Variants in ATP6V1A observed in about 807,000 individuals in gnomAD.
The protein encoded by ATP6V1A is V-type proton ATPase catalytic subunit A.
ATP6V1A carries 18 observed loss-of-function variants against 70.1 expected under a neutral mutation model. The observed-to-expected ratio is 0.26, with a 90% CI of 0.18 to 0.38. The LOEUF is 0.38. ATP6V1A is among the 10% of genes least tolerant of loss of function. ATP6V1A has a pLI of 1.00. For missense variants in ATP6V1A, 424 were observed against 772.4 expected, an observed-to-expected ratio of 0.55 and a Z score of 5.35; for synonymous variants, 232 against 253.8, an observed-to-expected ratio of 0.91 and a Z score of 0.82.
chr3:113,801,576 T>C (rs182796409), intron 12 of ATP6V1A, among the ~76,000 whole-genome samples: 1 of 152,262 alleles, frequency 6.6e-6, no homozygotes, highest in Admixed American at 6.5e-5. Flanking sequence ...CCAAAGAAAT[T>C]CTCAAGCAGG....
intron 10 of ATP6V1A, among the ~76,000 whole-genome samples, chr3:113,795,427 A>G (rs1187328002): frequency 6.6e-6 from 1 of 151,766 alleles, no homozygotes; most frequent in Non-Finnish European, 1.5e-5. Flanking sequence ...TTTAATTTAT[A>G]TATTTATATG....
chr3:113,750,065 C>A lies in ATP6V1A; in HGVS notation c.-14+2952C>A, dbSNP rs138600772. Among the ~76,000 whole-genome samples, 686 of 152,296 alleles carry A rather than the reference C, an allele frequency of 4.5e-3. 3 individuals are homozygous for A. Among genetic ancestry groups the A allele is most frequent in the African/African-American group, 0.015 (630 of 41,560 alleles). On this transcript the variant is annotated intron_variant, in intron 1 of 14. Transcript: ENST00000273398. Reference sequence around the variant, plus strand: ...GATCTATAAGTGGACTAGCACTAGACTAAAAGTCAGAGGATCTTCATTCAG... The same window carrying A: ...GATCTATAAGTGGACTAGCACTAGAATAAAAGTCAGAGGATCTTCATTCAG...
At chr3:113,800,821 C>G (rs986463352) in intron 12 of ATP6V1A, among the ~76,000 whole-genome samples, 1 of 152,070 alleles carries the variant, frequency 6.6e-6, no homozygotes, top group African/African-American at 2.4e-5. Flanking sequence ...TTAAAGGTAA[C>G]AGACCAGTGA....
In ATP6V1A at chr3:113,798,277, G is replaced by A; in HGVS notation, c.1325G>A (p.Arg442His). 6.2e-7 allele frequency: 1 copy of A among 1,613,766 alleles called. No individual in the cohort carries two copies. Among genetic ancestry groups the A allele is most frequent in the Non-Finnish European group, 8.5e-7 (1 of 1,179,978 alleles). The change falls in exon 12 of 15, where the codon CGT (arginine) becomes CAT (histidine). Residue 442 changes from arginine to histidine, a missense_variant. Physicochemically the swap from Arg to His is conservative, Grantham distance 29. Around this residue, in one of 9 missense-constraint regions of ATP6V1A, gnomAD observed 58 missense variants for 181.5 expected, o/e 0.32. Coordinates refer to ENST00000273398, the MANE Select transcript of ATP6V1A (RefSeq NM_001690.4). Reference protein sequence around the residue: ...FWGLDKKLAQRKHFPSVNWLI... With the variant: ...FWGLDKKLAQHKHFPSVNWLI... Reference sequence around the variant, plus strand: ...GGCTTAGATAAGAAACTAGCTCAACGTAAGCATTTCCCCTCTGTCAATTGG... The same window carrying A: ...GGCTTAGATAAGAAACTAGCTCAACATAAGCATTTCCCCTCTGTCAATTGG...
intron 1 of ATP6V1A, among the ~76,000 whole-genome samples, chr3:113,762,730 TTAAC>T (rs1410742005): frequency 6.6e-6 from 1 of 152,160 alleles, no homozygotes; most frequent in Non-Finnish European, 1.5e-5. Flanking sequence ...TGTAGACTAT[TTAAC>T]ATAAGAAATT....
chr3:113,810,599 T>C lies in ATP6V1A; in HGVS notation c.*1172T>C, dbSNP rs1202424968. ...CACATCACACCCTGTTTATTTTCCTTAAACATCTTGGAAGCCTAAGCTTCT... is the reference window on the plus strand; with the variant it reads ...CACATCACACCCTGTTTATTTTCCTCAAACATCTTGGAAGCCTAAGCTTCT... On this transcript the variant is annotated 3_prime_UTR_variant, in exon 15 of 15. Coordinates refer to ENST00000273398, the MANE Select transcript of ATP6V1A (RefSeq NM_001690.4). The C allele has an allele frequency of 1.3e-5, 2 of 152,220 alleles. No individual in the cohort carries two copies. Among genetic ancestry groups the C allele is most frequent in the Admixed American group, 6.5e-5 (1 of 15,294 alleles). The allele number at this position is 152,220 out of a possible 1,614,324, so 9.4% of individuals were successfully genotyped here. A position where few individuals can be genotyped will look rare whatever the true frequency, so the allele number is the denominator to read the frequency against.
Position 113,758,088 on chromosome 3 carries a change from G to A in ATP6V1A, c.-14+10975G>A, listed in dbSNP as rs561448929. Among the ~76,000 whole-genome samples the A allele has an allele frequency of 2.6e-5, 4 of 152,184 alleles. No homozygotes were observed. In the South Asian group the frequency reaches 8.3e-4, roughly 32 times the overall value. On this transcript the variant is annotated intron_variant, in intron 1 of 14. Coordinates refer to ENST00000273398, the MANE Select transcript of ATP6V1A (RefSeq NM_001690.4). ...GAACCTAGGAGGCAGAGGTTGCAGTGAGCTGAGATCACACCCACTGCACTC... is the reference window on the plus strand; with the variant it reads ...GAACCTAGGAGGCAGAGGTTGCAGTAAGCTGAGATCACACCCACTGCACTC...
intron 13 of ATP6V1A, 65 bp from the exon 14 acceptor site, chr3:113,805,287 TTA>T: frequency 4.8e-6 from 7 of 1,465,678 alleles, no homozygotes; most frequent in Non-Finnish European, 6.6e-6. Flanking sequence ...TCTAGTAGTT[TTA>T]TATAAAGTAT....
At chr3:113,799,912 C>T (rs1447910533) in intron 12 of ATP6V1A, among the ~76,000 whole-genome samples, 1 of 152,080 alleles carries the variant, frequency 6.6e-6, no homozygotes, top group East Asian at 1.9e-4. Context: ...AGTCCATGCT[C>T]TTGGACGGAA....
intron 12 of ATP6V1A, among the ~76,000 whole-genome samples, chr3:113,801,864 A>G (rs2108043096): frequency 6.6e-6 from 1 of 150,516 alleles, no homozygotes; most frequent in Non-Finnish European, 1.5e-5. Flanking sequence ...CACATAAAAC[A>G]TTGTTTAATA....
intron 1 of ATP6V1A, among the ~76,000 whole-genome samples, chr3:113,770,665 T>A (rs922391760): frequency 6.7e-6 from 1 of 150,028 alleles, no homozygotes. Flanking sequence ...GGTAGCAGAC[T>A]GAGACTCTGT....
chr3:113,771,976 C>G (rs1033642960), intron 1 of ATP6V1A, among the ~76,000 whole-genome samples: 2 of 152,118 alleles, frequency 1.3e-5, no homozygotes, highest in African/African-American at 2.4e-5. Flanking sequence ...AGTGGTTATT[C>G]ACTTCGATGT....
At chr3:113,799,415 G>A (rs540534056) in intron 12 of ATP6V1A, among the ~76,000 whole-genome samples, 40 of 151,994 alleles carry the variant, frequency 2.6e-4, no homozygotes, top group Non-Finnish European at 4.4e-4. Context: ...GGAATAGAAC[G>A]GAACTTCCTT....
rs1196116389 is a variant in ATP6V1A, at chr3:113,811,482, C to T, written c.*2055C>T. On this transcript the variant is annotated 3_prime_UTR_variant, in exon 15 of 15. Coordinates refer to ENST00000273398, the MANE Select transcript of ATP6V1A (RefSeq NM_001690.4). ...TTCCAAAGTGGCCTACTCAAGAGGC[C>T]CTAAGACTGGTAGAAATTAAAAGGA... is the stretch of plus-strand genomic sequence containing the variant. The T allele has an allele frequency of 1.3e-5, 2 of 152,540 alleles. No individual in the cohort carries two copies. Among genetic ancestry groups the T allele is most frequent in the South Asian group, 2.1e-4 (1 of 4,816 alleles). The allele number at this position is 152,540 out of a possible 1,614,324, so 9.4% of individuals were successfully genotyped here.
intron 1 of ATP6V1A, among the ~76,000 whole-genome samples, chr3:113,771,005 G>T (rs1179607142): frequency 6.6e-6 from 1 of 151,388 alleles, no homozygotes; most frequent in Non-Finnish European, 1.5e-5. Context: ...TGAGGCAGGA[G>T]AATTGCTTGA....
intron 1 of ATP6V1A, among the ~76,000 whole-genome samples, chr3:113,752,517 G>C (rs1040276979): frequency 2.6e-5 from 4 of 152,006 alleles, no homozygotes; most frequent in Non-Finnish European, 4.4e-5. Context: ...TTCTTAATTT[G>C]ATATGGAAAA....
intron 12 of ATP6V1A, among the ~76,000 whole-genome samples, chr3:113,799,555 T>C (rs9828099): frequency 0.33 from 50,232 of 151,980 alleles, 8,472 homozygotes; most frequent in East Asian, 0.36. Flanking sequence ...TTCTGTCAAA[T>C]ACCAGAGATC....
intron 1 of ATP6V1A, among the ~76,000 whole-genome samples, chr3:113,759,271 T>G (rs2108010904): frequency 6.6e-6 from 1 of 150,568 alleles, no homozygotes; most frequent in Non-Finnish European, 1.5e-5. Flanking sequence ...TTTTAGATTT[T>G]TCTATATAGT....
chr3:113,778,355 C>T (rs905857830), intron 1 of ATP6V1A, among the ~76,000 whole-genome samples: 4 of 152,146 alleles, frequency 2.6e-5, no homozygotes, highest in African/African-American at 9.7e-5. Flanking sequence ...GATCCTTCCA[C>T]TGCACTCCAG....
Sources: allele counts gnomAD v4.1 joint callset (sites outside exome capture counted in the v4.1 genomes callset), GRCh38; gene constraint gnomAD v4.1.1; regional missense constraint gnomAD v4.1.1; transcripts MANE v1.5; gene names NCBI Gene and HGNC (gene_info 2026-07-23, HGNC 2026-07-21).